Variants in VSTM2A observed in about 807,000 individuals in gnomAD.
VSTM2A encodes the protein V-set and transmembrane domain-containing protein 2A.
Under a neutral mutation model 27.3 loss-of-function variants are expected in VSTM2A, and 13 were observed. The ratio of observed to expected loss-of-function variants is 0.48; its 90% CI spans 0.31 to 0.76. The LOEUF (loss-of-function observed/expected upper bound fraction) is 0.76. VSTM2A is among the 30% of genes least tolerant of loss of function. The pLI is 0.05. For synonymous variants in VSTM2A, 142 were observed against 125.7 expected (o/e 1.13, Z -0.87); for missense variants, 280 against 310.0 (o/e 0.90, Z 0.73).
intron 4 of VSTM2A, chr7:54,550,463 G>A: frequency 4.7e-6 from 3 of 640,964 alleles, no homozygotes; most frequent in Non-Finnish European, 7.1e-6. Flanking sequence ...AATAAATCAT[G>A]TAATGTTGGT....
At chr7:54,566,431 A>G (rs530767463) in intron 4 of VSTM2A, among the ~76,000 whole-genome samples, 85 of 152,334 alleles carry the variant, frequency 5.6e-4, no homozygotes, top group African/African-American at 1.9e-3. Flanking sequence ...ATGATTAATT[A>G]CACACAATGT....
At chr7:54,545,147 G>A (rs931644211) in intron 2 of VSTM2A, among the ~76,000 whole-genome samples, 27 of 151,918 alleles carry the variant, frequency 1.8e-4, no homozygotes, top group African/African-American at 6.3e-4. Flanking sequence ...ATCGGTGGGC[G>A]GCCTCCACCC....
chr7:54,548,567 C>T (rs78316299), intron 3 of VSTM2A, among the ~76,000 whole-genome samples: 1 of 152,058 alleles, frequency 6.6e-6, no homozygotes, highest in Non-Finnish European at 1.5e-5. Context: ...ATCACTGACC[C>T]AAACACCCCA....
At chr7:54,545,504 G>A (rs558171961) in intron 2 of VSTM2A, among the ~76,000 whole-genome samples, 1 of 130,156 alleles carries the variant, frequency 7.7e-6, no homozygotes, top group Admixed American at 7.7e-5. Flanking sequence ...GGAGTGAGGA[G>A]AGGGACAGAG....
At chr7:54,561,822 A>G (rs1002914349) in intron 4 of VSTM2A, among the ~76,000 whole-genome samples, 5 of 152,256 alleles carry the variant, frequency 3.3e-5, no homozygotes, top group African/African-American at 4.8e-5. Flanking sequence ...GAAGCCATGT[A>G]ATTTATGCTT....
chr7:54,553,960 CCCTTCCCA>C (rs758297034), intron 4 of VSTM2A: 10 of 1,552,300 alleles, frequency 6.4e-6, no homozygotes, highest in Middle Eastern at 1.7e-4. Context: ...TCTACTGACC[CCCTTCCCA>C]CCTTCCCAAC....
intron 4 of VSTM2A, chr7:54,554,027 C>T (rs1440280593): frequency 4.5e-6 from 7 of 1,553,234 alleles, no homozygotes; most frequent in Non-Finnish European, 6.1e-6. Context: ...CCCAACCTGG[C>T]CATGGATCAA....
chr7:54,555,970 C>A (rs542057497), intron 4 of VSTM2A, among the ~76,000 whole-genome samples: 4 of 152,184 alleles, frequency 2.6e-5, no homozygotes, highest in African/African-American at 9.6e-5. Flanking sequence ...GAGTGTAGAA[C>A]CAGAAATAAG....
chr7:54,560,517 A>G (rs1788523487), intron 4 of VSTM2A, among the ~76,000 whole-genome samples: 2 of 152,190 alleles, frequency 1.3e-5, no homozygotes, highest in Admixed American at 1.3e-4. Flanking sequence ...GAAAGTGAGG[A>G]GCAATGCATT....
chr7:54,547,369 A>C (rs1405347757), intron 3 of VSTM2A, among the ~76,000 whole-genome samples: 1 of 152,234 alleles, frequency 6.6e-6, no homozygotes, highest in Non-Finnish European at 1.5e-5. Context: ...AAATATTTTT[A>C]GGGAGAAAAA....
chr7:54,544,817 C>G (rs1787892785), intron 2 of VSTM2A, 29 bp downstream of exon 2: 8 of 1,568,896 alleles, frequency 5.1e-6, no homozygotes, highest in Non-Finnish European at 6.9e-6. Context: ...CCCGCGTCTC[C>G]CCTTCGCTCG....
At chr7:54,553,426 C>A (rs1788250769) in intron 4 of VSTM2A, among the ~76,000 whole-genome samples, 1 of 152,176 alleles carries the variant, frequency 6.6e-6, no homozygotes, top group African/African-American at 2.4e-5. Flanking sequence ...GTACCATGAC[C>A]ACCTTAGATC....
intron 1 of VSTM2A, among the ~76,000 whole-genome samples, chr7:54,543,457 T>C (rs1211117313): frequency 6.6e-6 from 1 of 152,174 alleles, no homozygotes; most frequent in Non-Finnish European, 1.5e-5. Context: ...TTCTGCCAGC[T>C]AGAATAGAAA....
At position 54,546,148 on chromosome 7, in the gene VSTM2A, G is replaced by A. The variant is rs183767549; in HGVS notation, c.247-799G>A. 467 of 151,820 alleles carry A rather than the reference G, an allele frequency of 3.1e-3. 9 individuals are homozygous for A. The highest frequency in any genetic ancestry group is 0.018 in the Admixed American group (278 of 15,182). The allele number at this position is 151,820 out of a possible 1,614,324, so 9.4% of individuals were successfully genotyped here. ...GGAGAGAGGAGTAGAGAAGAGGCAG[G>A]GAGAGGAGAGAAGGAGAGTGGAGAA... On this transcript the variant is annotated intron_variant, in intron 2 of 4. Coordinates refer to ENST00000402613, the MANE Select transcript of VSTM2A (RefSeq NM_001301009.2).
At chr7:54,565,496 A>G (rs1788693295) in intron 4 of VSTM2A, among the ~76,000 whole-genome samples, 1 of 152,230 alleles carries the variant, frequency 6.6e-6, no homozygotes, top group African/African-American at 2.4e-5. Flanking sequence ...ACGGAGGTCT[A>G]AACTAAAAAG....
At chr7:54,563,875 A>T (rs73398742) in intron 4 of VSTM2A, among the ~76,000 whole-genome samples, 4,610 of 152,324 alleles carry the variant, frequency 0.03, 237 homozygotes, top group African/African-American at 0.1. Flanking sequence ...TTCTAGAAGA[A>T]ATTGGCACCG....
intron 4 of VSTM2A, among the ~76,000 whole-genome samples, chr7:54,565,008 G>A (rs1312467721): frequency 6.6e-6 from 1 of 152,216 alleles, no homozygotes; most frequent in African/African-American, 2.4e-5. Context: ...TTTATATCAA[G>A]TATGAAGTAT....
rs367805691 is a variant in VSTM2A at position 54,542,713 on chromosome 7, C to A, written c.-18C>A. 1 of 1,610,838 alleles carries A rather than the reference C, an allele frequency of 6.2e-7. No individual in the cohort carries two copies. Among genetic ancestry groups the A allele is most frequent in the East Asian group, 2.2e-5 (1 of 44,866 alleles). On this transcript the variant is annotated 5_prime_UTR_variant, in exon 1 of 5. Transcript: ENST00000402613. ...TCGGCTGTTGGCTACACTGATGTGA[C>A]CCCCCTCCCTTTTTGGAATGATGGG...
At chr7:54,543,571 A>C (rs1168178702) in intron 1 of VSTM2A, among the ~76,000 whole-genome samples, 1 of 152,030 alleles carries the variant, frequency 6.6e-6, no homozygotes, top group Admixed American at 6.6e-5. Context: ...TAAAATGTTG[A>C]AAAGAGACAG....
Sources: allele counts gnomAD v4.1 joint callset (sites outside exome capture counted in the v4.1 genomes callset), GRCh38; gene constraint gnomAD v4.1.1; transcripts MANE v1.5; gene names NCBI Gene and HGNC (gene_info 2026-07-23, HGNC 2026-07-21).